INSRR: variants seen among roughly 807,000 people sequenced by gnomAD.
INSRR encodes the protein insulin receptor-related protein.
INSRR carries 114 observed loss-of-function variants against 130.0 expected under a neutral mutation model. The observed-to-expected ratio is 0.88, with a 90% CI of 0.75 to 1.02. The LOEUF (loss-of-function observed/expected upper bound fraction) is 1.02. INSRR is among the 50% of genes least tolerant of loss of function. The pLI is 0.00. For missense variants in INSRR, 1,657 were observed against 1,735.2 expected (o/e 0.95, Z 0.80); for synonymous variants, 674 against 705.2 (o/e 0.96, Z 0.70).
In INSRR at chr1:156,843,066, G is replaced by C; in HGVS notation, c.3064C>G (p.Arg1022Gly). 1 of 1,614,082 alleles carries C rather than the reference G, an allele frequency of 6.2e-7. No homozygotes were observed. The highest frequency in any genetic ancestry group is 1.3e-5 in the African/African-American group (1 of 74,984). Residue 1022 changes from arginine (R) to glycine (G), a missense_variant, in exon 17 of 22, where the codon CGG becomes GGG. Coordinates refer to ENST00000368195, the MANE Select transcript of INSRR (RefSeq NM_014215.3). ...LKTVNELASP[R>G]ECIEFLKEAS... ...TCCTTGAGGAACTCAATGCATTCCCGTGGGCTGGCCAGCTCATTCACCGTC... is the reference window on the plus strand; with the variant it reads ...TCCTTGAGGAACTCAATGCATTCCCCTGGGCTGGCCAGCTCATTCACCGTC...
intron 5 of INSRR, chr1:156,851,082 A>G: frequency 1.5e-6 from 1 of 651,900 alleles, no homozygotes; most frequent in South Asian, 1.7e-5. Context: ...CTTGAGTAAT[A>G]TTCAAAACAG....
rs947619334 is a variant in INSRR at position 156,844,384 on chromosome 1, G to A, written c.2737+78C>T. On this transcript the variant is annotated intron_variant, in intron 14 of 21. Transcript: ENST00000368195. ...GGGAGGTGAGGATGGGGAGGGATGC[G>A]GGGGAGGGGCCTGTGGTGGGCTGGG... The A allele has an allele frequency of 4.7e-5, 73 of 1,565,878 alleles. No homozygotes were observed. In the Middle Eastern group the frequency reaches 5.4e-4, roughly 11 times the overall value.
rs550678453 is a variant in INSRR, at chr1:156,858,079, G to A, written c.85+458C>T. Among the ~76,000 whole-genome samples, 61 of 152,306 alleles carry A rather than the reference G, an allele frequency of 4.0e-4. No homozygotes were observed. The South Asian group carries it at 0.012, about 30-fold the overall frequency. The stretch of plus-strand genomic sequence containing the variant: ...ACAGGACAGGGCCCTGGAGGCAGGA[G>A]CTCAGGACCCAGTCTAGCTTTACCC... On this transcript the variant is annotated intron_variant, in intron 1 of 21. Coordinates refer to ENST00000368195, the MANE Select transcript of INSRR (RefSeq NM_014215.3).
rs1187187015 is a variant in INSRR at position 156,846,107 on chromosome 1, G to A, written c.1823C>T (p.Pro608Leu). The change falls in exon 9 of 22, where the codon CCC becomes CTC. Residue 608 changes from proline (P) to leucine (L), a missense_variant. Pro to Leu is a moderately conservative substitution (Grantham distance 98). Coordinates refer to ENST00000368195, the MANE Select transcript of INSRR (RefSeq NM_014215.3). ...LRTLPAAPTV[P>L]QDVISTSNSS... ...GTTGGACGTGGAGATGACGTCTTGGGGCACCGTGGGAGCTAGGAGTGCGAG... is the reference window on the plus strand; with the variant it reads ...GTTGGACGTGGAGATGACGTCTTGGAGCACCGTGGGAGCTAGGAGTGCGAG... The A allele has an allele frequency of 3.7e-6, 6 of 1,601,224 alleles. No homozygotes were observed. The highest frequency in any genetic ancestry group is 1.3e-5 in the African/African-American group (1 of 74,646).
At chr1:156,846,971 C>T (rs1039996773) in intron 7 of INSRR, among the ~76,000 whole-genome samples, 1 of 152,166 alleles carries the variant, frequency 6.6e-6, no homozygotes, top group Non-Finnish European at 1.5e-5. Context: ...GATATAGCTC[C>T]TCATCCTTAG....
Position 156,858,705 on chromosome 1 carries a change from A to C in INSRR, c.-84T>G. ...CGGTGTGATAAGCCCTAAGGGACAC[A>C]GAGACCAGGGTTCAGATAGGAGAGG... On this transcript the variant is annotated 5_prime_UTR_variant, in exon 1 of 22. Coordinates refer to ENST00000368195, the MANE Select transcript of INSRR (RefSeq NM_014215.3). The C allele has an allele frequency of 2.6e-6, 3 of 1,166,018 alleles. No homozygotes were observed. Among genetic ancestry groups the C allele is most frequent in the Middle Eastern group, 3.9e-4 (2 of 5,192 alleles). 72.2% of individuals were successfully genotyped at this position (1,166,018 alleles called of 1,614,324 possible). A position where few individuals can be genotyped will look rare whatever the true frequency, so the allele number is the denominator to read the frequency against.
Position 156,844,758 on chromosome 1 carries a change from G to A in INSRR, c.2523C>T (p.Asp841=). The change falls in exon 13 of 22, where the codon GAC becomes GAT. Residue 841 remains aspartate (D), a synonymous_variant. Transcript: ENST00000368195. ...CGTACTTGAGGATGAGTCCGTTGGG[G>A]TCTGGTGGCTCGAGCCAGCGCAGAA... ...SVLLRWLEPP[D]PNGLILKYEI... 6.2e-7 allele frequency: 1 copy of A among 1,614,164 alleles called. No individual in the cohort carries two copies. Among genetic ancestry groups the A allele is most frequent in the Non-Finnish European group, 8.5e-7 (1 of 1,180,026 alleles).
Position 156,852,082 on chromosome 1 carries a change from G to A in INSRR, c.747C>T (p.Cys249=). 6.2e-7 allele frequency: 1 copy of A among 1,613,692 alleles called. No individual in the cohort carries two copies. Reference sequence around the variant, plus strand: ...AGGCACCCTGGAAGTAGAGGTGGCGGCAAGCTACACAGGCACGAGGGTCTT... The same window carrying A: ...AGGCACCCTGGAAGTAGAGGTGGCGACAAGCTACACAGGCACGAGGGTCTT... ...QPEDPRACVA[C]RHLYFQGACL... The change falls in exon 3 of 22, where the codon TGC becomes TGT. Residue 249 remains cysteine, a synonymous_variant. Transcript: ENST00000368195.
At chr1:156,847,329 G>A (rs1360335650) in intron 7 of INSRR, among the ~76,000 whole-genome samples, 1 of 152,222 alleles carries the variant, frequency 6.6e-6, no homozygotes, top group East Asian at 1.9e-4. Context: ...GGGAAATTAA[G>A]GGGCCAGAGG....
At chr1:156,841,163 C>T in intron 21 of INSRR, 59 bp from the exon 22 acceptor site, 3 of 1,318,130 alleles carry the variant, frequency 2.3e-6, no homozygotes, top group South Asian at 2.5e-5. Context: ...CGCTCTCAGC[C>T]TCCTGCACTG....
chr1:156,847,559 G>A (rs1240079282), intron 7 of INSRR, among the ~76,000 whole-genome samples: 2 of 152,162 alleles, frequency 1.3e-5, no homozygotes, highest in African/African-American at 4.8e-5. Context: ...GCTGAGCCAG[G>A]GACAAAACTT....
At chr1:156,853,543 C>G (rs1156382994) in intron 2 of INSRR, among the ~76,000 whole-genome samples, 1 of 152,230 alleles carries the variant, frequency 6.6e-6, no homozygotes, top group Admixed American at 6.5e-5. Context: ...TTCCATGATG[C>G]CGCCTTGGGC....
chr1:156,853,465 C>A (rs894771946), intron 2 of INSRR, among the ~76,000 whole-genome samples: 1 of 152,194 alleles, frequency 6.6e-6, no homozygotes, highest in Admixed American at 6.5e-5. Flanking sequence ...CTGCTTCTTG[C>A]GCTGCCTACT....
rs536346142 is a variant in INSRR, at chr1:156,840,887, C to A, written c.3880G>T (p.Gly1294Cys). 174 of 1,613,248 alleles carry A rather than the reference C, an allele frequency of 1.1e-4. No individual in the cohort carries two copies. The highest frequency in any genetic ancestry group is 8.4e-4 in the Middle Eastern group (5 of 5,986). ...TPRDCSPQNG[G>C]PGH ...TGAGGTGCCCCTCAGTGCCCTGGAC[C>A]CCCATTTTGAGGGCTGCAGTCTCTT... The change falls in exon 22 of 22, where the codon GGT becomes TGT. Residue 1294 changes from glycine to cysteine, a missense_variant. Gly to Cys is a radical substitution (Grantham distance 159). Transcript: ENST00000368195.
At position 156,844,462 on chromosome 1, in the gene INSRR, C is replaced by T. The variant is rs1413731013; in HGVS notation, c.2737G>A (p.Glu913Lys). 1 of 1,612,904 alleles carries T rather than the reference C, an allele frequency of 6.2e-7. No homozygotes were observed. Among genetic ancestry groups the T allele is most frequent in the Non-Finnish European group, 8.5e-7 (1 of 1,179,482 alleles). The change falls in exon 14 of 22, where the codon GAG (glutamate) becomes AAG (lysine). Residue 913 changes from glutamate (E) to lysine (K), a missense_variant and splice_region_variant. By Grantham distance (56) the Glu-to-Lys change is moderately conservative. Transcript: ENST00000368195. ...DSVAFYILGP[E>K]EEDAGGLHVL... ...GGTCTGTGACAGAGGCTGTGTATAC[C>T]TGGGCCAAGGATGTAGAAGGCAACA...
chr1:156,840,766 C>A lies in INSRR; in HGVS notation c.*107G>T. On this transcript the variant is annotated 3_prime_UTR_variant, in exon 22 of 22. Coordinates refer to ENST00000368195, the MANE Select transcript of INSRR (RefSeq NM_014215.3). ...TGTTCTCTGCCCCACCCTCGGCCAT[C>A]CCTTGCCCTGAGTTGGGGTGGGGGT... The A allele has an allele frequency of 1.2e-6, 1 of 862,694 alleles. No individual in the cohort carries two copies. The highest frequency in any genetic ancestry group is 1.9e-6 in the Non-Finnish European group (1 of 532,662). 53.4% of individuals were successfully genotyped at this position (862,694 alleles called of 1,614,324 possible).
rs1381128710 is a variant in INSRR, at chr1:156,848,990, A to G, written c.1502T>C (p.Leu501Pro). The G allele has an allele frequency of 1.2e-6, 2 of 1,612,156 alleles. No homozygotes were observed. The highest frequency in any genetic ancestry group is 1.7e-6 in the Non-Finnish European group (2 of 1,179,536). The stretch of plus-strand genomic sequence containing the variant: ...CAGTGGCTCATAGCGCTCCCAGCGT[A>G]GCAGGATGCGGTCTGCCTCCGTCAC... ...SNVTEADRILLRWERYEPLEA... is the reference protein window; with the variant it reads ...SNVTEADRILPRWERYEPLEA... The change falls in exon 7 of 22, where the codon CTA (leucine) becomes CCA (proline). Residue 501 changes from leucine (L) to proline (P), a missense_variant. Transcript: ENST00000368195.
At position 156,845,099 on chromosome 1, in the gene INSRR, A is replaced by G; in HGVS notation, c.2414T>C (p.Val805Ala). ...ACTGTGGGGCATGGTGCGCGCAAAG[A>G]CGAAGGTGGCGGCGCTGCAGCCCAC... The part of the protein sequence containing the change: ...HTVGCSAATF[V>A]FARTMPHREA... Residue 805 changes from valine to alanine, a missense_variant, in exon 12 of 22, where the codon GTC (valine) becomes GCC (alanine). Physicochemically the swap from Val to Ala is moderately conservative, Grantham distance 64. Coordinates refer to ENST00000368195, the MANE Select transcript of INSRR (RefSeq NM_014215.3). 1 of 1,610,174 alleles carries G rather than the reference A, an allele frequency of 6.2e-7. No individual in the cohort carries two copies. Among genetic ancestry groups the G allele is most frequent in the Non-Finnish European group, 8.5e-7 (1 of 1,178,716 alleles).
rs143605369 is a variant in INSRR, at chr1:156,851,967, C to T, written c.862G>A (p.Gly288Ser). ...ERCASLHSVPGRASTFGIHQG... is the reference protein window; with the variant it reads ...ERCASLHSVPSRASTFGIHQG... ...TGTATGCCGAAGGTGGAGGCACGGC[C>T]GGGCACAGAGTGCAGGCTGGCACAG... is the stretch of plus-strand genomic sequence containing the variant. The change falls in exon 3 of 22, where the codon GGC becomes AGC. Residue 288 changes from glycine to serine, a missense_variant. By Grantham distance (56) the Gly-to-Ser change is moderately conservative. Coordinates refer to ENST00000368195, the MANE Select transcript of INSRR (RefSeq NM_014215.3). The T allele has an allele frequency of 5.7e-5, 91 of 1,608,526 alleles. 1 individual carries two copies. Among genetic ancestry groups the T allele is most frequent in the South Asian group, 9.9e-5 (9 of 90,940 alleles).
Sources: gnomAD v4.1 joint callset for allele counts (sites outside exome capture counted in the v4.1 genomes callset) on GRCh38, gnomAD v4.1.1 for gene constraint, MANE v1.5 for transcripts, NCBI Gene and HGNC (gene_info 2026-07-23, HGNC 2026-07-21) for gene names.